The following BTBD10 variants were observed in gnomAD, a reference collection of about 807,000 sequenced individuals.
BTBD10 encodes the protein BTB domain containing 10, also known as BTB/POZ domain-containing protein 10.
A neutral mutation model predicts 53.2 loss-of-function variants in BTBD10; 21 were observed. The observed-to-expected ratio is 0.39, with a 90% confidence interval of 0.28 to 0.57. The LOEUF (loss-of-function observed/expected upper bound fraction) is 0.57. BTBD10 is among the 20% of genes least tolerant of loss of function. The pLI, the probability that BTBD10 is intolerant of heterozygous loss-of-function variation, is 0.53. For synonymous variants in BTBD10, 149 were observed against 192.7 expected, an observed-to-expected ratio of 0.77 and a Z score of 1.88; for missense variants, 360 against 594.7, an observed-to-expected ratio of 0.61 and a Z score of 4.10.
chr11:13,442,048 T>C (rs770755307), intron 2 of BTBD10, among the ~76,000 whole-genome samples: 3 of 152,148 alleles, frequency 2.0e-5, no homozygotes, highest in Non-Finnish European at 4.4e-5. Flanking sequence ...CTTGTGATAA[T>C]GAGAGGAAAG....
intron 5 of BTBD10, among the ~76,000 whole-genome samples, chr11:13,414,534 G>C (rs1263685792): frequency 6.6e-6 from 1 of 151,928 alleles, no homozygotes; most frequent in East Asian, 1.9e-4. Context: ...GGCACCTGTA[G>C]TCCCAGCTAC....
At chr11:13,429,864 G>C (rs1300662981) in intron 2 of BTBD10, among the ~76,000 whole-genome samples, 1 of 152,180 alleles carries the variant, frequency 6.6e-6, no homozygotes, top group African/African-American at 2.4e-5. Flanking sequence ...AGCACCTTGC[G>C]AGGTTGAGGT....
At chr11:13,451,871 G>C (rs1950866386) in intron 1 of BTBD10, among the ~76,000 whole-genome samples, 1 of 152,116 alleles carries the variant, frequency 6.6e-6, no homozygotes, top group Admixed American at 6.5e-5. Context: ...GAAGAGCACT[G>C]TCTTGACGAC....
At chr11:13,410,148 A>T (rs1296252903) in intron 6 of BTBD10, among the ~76,000 whole-genome samples, 1 of 152,200 alleles carries the variant, frequency 6.6e-6, no homozygotes, top group Non-Finnish European at 1.5e-5. Context: ...AAACAACTGA[A>T]ATAAAATTTA....
chr11:13,413,072 C>A (rs1241987761), intron 6 of BTBD10, among the ~76,000 whole-genome samples: 1 of 152,168 alleles, frequency 6.6e-6, no homozygotes, highest in African/African-American at 2.4e-5. Context: ...GAGGGCTAGA[C>A]ATTCAATCTA....
At chr11:13,395,681 G>T (rs1052216053) in intron 8 of BTBD10, among the ~76,000 whole-genome samples, 2 of 152,006 alleles carry the variant, frequency 1.3e-5, no homozygotes, top group African/African-American at 2.4e-5. Flanking sequence ...GGTCTAACAT[G>T]TAAGTCTTTA....
intron 1 of BTBD10, chr11:13,462,882 G>A (rs1951132390): frequency 6.6e-6 from 1 of 152,418 alleles, no homozygotes; most frequent in Non-Finnish European, 1.5e-5. Flanking sequence ...CAAAACTCAA[G>A]TCTTATCCCG....
intron 4 of BTBD10, among the ~76,000 whole-genome samples, chr11:13,417,596 GA>G (rs1233945965): frequency 6.7e-5 from 10 of 149,642 alleles, no homozygotes; most frequent in East Asian, 3.9e-4. Flanking sequence ...TTACCAGGAA[GA>G]AAAAAAAAGG....
chr11:13,456,571 A>C (rs538774423), intron 1 of BTBD10, among the ~76,000 whole-genome samples: 4 of 152,332 alleles, frequency 2.6e-5, no homozygotes, highest in Admixed American at 6.5e-5. Flanking sequence ...TGCAAAAAGC[A>C]CAGAAAAAAA....
At chr11:13,426,279 G>A (rs76068533) in intron 2 of BTBD10, among the ~76,000 whole-genome samples, 2,541 of 151,110 alleles carry the variant, frequency 0.017, 68 homozygotes, top group African/African-American at 0.058. Flanking sequence ...TTGATTTGTC[G>A]AAAAAAAATA....
intron 8 of BTBD10, among the ~76,000 whole-genome samples, chr11:13,392,176 G>GA (rs1322274739): frequency 6.6e-6 from 1 of 152,226 alleles, no homozygotes; most frequent in Non-Finnish European, 1.5e-5. Context: ...GTACATAAGA[G>GA]AAAGTGTTAA....
intron 5 of BTBD10, among the ~76,000 whole-genome samples, chr11:13,413,967 G>A (rs184360606): frequency 7.9e-5 from 12 of 152,268 alleles, no homozygotes; most frequent in African/African-American, 2.9e-4. Context: ...CAATGCATAT[G>A]TATTTTCCTT....
Position 13,445,177 on chromosome 11 carries a change from A to G in BTBD10, c.-53T>C. 1 of 1,269,920 alleles carries G rather than the reference A, an allele frequency of 7.9e-7. No individual in the cohort carries two copies. Among genetic ancestry groups the G allele is most frequent in the South Asian group, 1.2e-5 (1 of 82,970 alleles). 78.7% of individuals were successfully genotyped at this position (1,269,920 alleles called of 1,614,324 possible). On this transcript the variant is annotated 5_prime_UTR_variant, in exon 2 of 9. The change abolishes an upstream ATG in the 5' untranslated region. Coordinates refer to ENST00000278174, the MANE Select transcript of BTBD10 (RefSeq NM_032320.7). ...CTCTGAAAGCACACATGTAGCACCCATAACCTACATAAAAGAGCAGTGTTG... is the reference window on the plus strand; with the variant it reads ...CTCTGAAAGCACACATGTAGCACCCGTAACCTACATAAAAGAGCAGTGTTG...
intron 8 of BTBD10, among the ~76,000 whole-genome samples, chr11:13,400,391 T>C (rs1200351685): frequency 6.6e-6 from 1 of 152,230 alleles, no homozygotes; most frequent in African/African-American, 2.4e-5. Flanking sequence ...TGAAGCCCGT[T>C]GGAAAAGTGC....
intron 4 of BTBD10, among the ~76,000 whole-genome samples, chr11:13,418,514 C>T (rs566930558): frequency 2.6e-5 from 4 of 151,744 alleles, no homozygotes; most frequent in Non-Finnish European, 4.4e-5. Flanking sequence ...TGATTTCTGT[C>T]GATAATCCTC....
intron 8 of BTBD10, among the ~76,000 whole-genome samples, chr11:13,398,219 G>C (rs550878503): frequency 4.6e-5 from 7 of 152,048 alleles, no homozygotes; most frequent in African/African-American, 1.4e-4. Context: ...TATGAATCTG[G>C]GTGCTCCTCT....
At chr11:13,447,462 G>A (rs1039639155) in intron 1 of BTBD10, among the ~76,000 whole-genome samples, 3 of 152,156 alleles carry the variant, frequency 2.0e-5, no homozygotes, top group Non-Finnish European at 4.4e-5. Context: ...ATACTCTTCT[G>A]AATAGGATAG....
rs542015411 is a variant in BTBD10, at chr11:13,399,809, C to G, written c.1117+3359G>C. Among the ~76,000 whole-genome samples, 20 of 152,310 alleles carry G rather than the reference C, an allele frequency of 1.3e-4. No homozygotes were observed. In the South Asian group the frequency reaches 3.9e-3, roughly 30 times the overall value. On this transcript the variant is annotated intron_variant, in intron 8 of 8. Coordinates refer to ENST00000278174, the MANE Select transcript of BTBD10 (RefSeq NM_032320.7). The stretch of plus-strand genomic sequence containing the variant: ...AGGTCTGTTGGAGTTTACTGGAGGT[C>G]CACTCCAGACCCTGTTTACCTTGGT...
intron 5 of BTBD10, 57 bp downstream of exon 5, chr11:13,417,101 C>A: frequency 7.8e-7 from 1 of 1,288,314 alleles, no homozygotes; most frequent in Non-Finnish European, 1.1e-6. Flanking sequence ...GCGTCTAATC[C>A]AAGTACCTCC....
Sources: gnomAD v4.1 joint callset for allele counts (sites outside exome capture counted in the v4.1 genomes callset) on GRCh38, gnomAD v4.1.1 for gene constraint, MANE v1.5 for transcripts, NCBI Gene and HGNC (gene_info 2026-07-23, HGNC 2026-07-21) for gene names.